The following SENP5 variants were observed in gnomAD, a reference collection of about 807,000 sequenced individuals.
SENP5 encodes sentrin-specific protease 5.
A neutral mutation model predicts 74.2 loss-of-function variants in SENP5; 21 were observed. The ratio of observed to expected loss-of-function variants is 0.28; its 90% CI spans 0.20 to 0.41. SENP5 has a LOEUF of 0.41. SENP5 is among the 10% of genes least tolerant of loss of function. The pLI, the probability that SENP5 is intolerant of heterozygous loss-of-function variation, is 1.00. For missense variants in SENP5, 717 were observed against 889.1 expected (o/e 0.81, Z 2.46); for synonymous variants, 311 against 312.7 (o/e 0.99, Z 0.06).
chr3:196,885,093 A>G, intron 1 of SENP5, 58 bp from the exon 2 acceptor site: 2 of 1,002,580 alleles, frequency 2.0e-6, no homozygotes, highest in Non-Finnish European at 2.9e-6. Context: ...GTTACTGTGA[A>G]TATGTCTTCA....
rs571026448 is a variant in SENP5, at chr3:196,876,397, C to T, written c.-32+8324C>T. On this transcript the variant is annotated intron_variant, in intron 1 of 9. Coordinates refer to ENST00000323460, the MANE Select transcript of SENP5 (RefSeq NM_152699.5). Reference sequence around the variant, plus strand: ...AAAATTAGCCGGGCCTGGTGGCGGGCGTCTATAGTCCCAGCTAGGCTGAGG... The same window carrying T: ...AAAATTAGCCGGGCCTGGTGGCGGGTGTCTATAGTCCCAGCTAGGCTGAGG... 9.2e-5 allele frequency among the ~76,000 whole-genome samples: 14 copies of T among 151,654 alleles called. No individual in the cohort carries two copies. The East Asian group carries it at 1.7e-3, about 19-fold the overall frequency.
intron 2 of SENP5, among the ~76,000 whole-genome samples, chr3:196,897,145 A>G (rs1714474000): frequency 6.6e-6 from 1 of 152,318 alleles, no homozygotes; most frequent in East Asian, 1.9e-4. Context: ...AGGAGCCTCA[A>G]TCAAAGTTGT....
chr3:196,900,015 A>G lies in SENP5; in HGVS notation c.1711A>G (p.Met571Val), dbSNP rs750799398. 3.7e-6 allele frequency: 6 copies of G among 1,614,154 alleles called. No homozygotes were observed. The highest frequency in any genetic ancestry group is 5.1e-6 in the Non-Finnish European group (6 of 1,180,030). Residue 571 changes from methionine to valine, a missense_variant, in exon 4 of 10, where the codon ATG (methionine) becomes GTG (valine). Coordinates refer to ENST00000323460, the MANE Select transcript of SENP5 (RefSeq NM_152699.5). Reference protein sequence around the residue: ...RIFYNKHMLDMDDLATLDGQN... With the variant: ...RIFYNKHMLDVDDLATLDGQN... ...CTTCTATAATAAACACATGCTGGAT[A>G]TGGACGACCTGGCGACTCTGGATGG...
chr3:196,922,845 A>G (rs1715673190), intron 6 of SENP5, among the ~76,000 whole-genome samples: 1 of 152,054 alleles, frequency 6.6e-6, no homozygotes, highest in Non-Finnish European at 1.5e-5. Flanking sequence ...CTGGTCCTGA[A>G]CTCTTGAGCT....
At chr3:196,880,949 T>C (rs902942294) in intron 1 of SENP5, among the ~76,000 whole-genome samples, 3 of 140,958 alleles carry the variant, frequency 2.1e-5, no homozygotes, top group Non-Finnish European at 4.7e-5. Context: ...CCCTTTTCCT[T>C]TTTTATTTTT....
chr3:196,907,934 T>C (rs1268521099), intron 6 of SENP5, among the ~76,000 whole-genome samples: 1 of 151,026 alleles, frequency 6.6e-6, no homozygotes, highest in Non-Finnish European at 1.5e-5. Context: ...ATATAAGAAG[T>C]ATACATAAAA....
chr3:196,880,939 C>T (rs1713700693), intron 1 of SENP5, among the ~76,000 whole-genome samples: 1 of 146,810 alleles, frequency 6.8e-6, no homozygotes, highest in East Asian at 2.0e-4. Flanking sequence ...CCGCGCCTGG[C>T]CCTTTTCCTT....
At chr3:196,911,526 C>T (rs1252582153) in intron 6 of SENP5, among the ~76,000 whole-genome samples, 1 of 150,766 alleles carries the variant, frequency 6.6e-6, no homozygotes, top group Non-Finnish European at 1.5e-5. Context: ...CACTGCACTC[C>T]AGCCTGGGCG....
At chr3:196,884,237 C>T (rs1713850091) in intron 1 of SENP5, among the ~76,000 whole-genome samples, 1 of 152,230 alleles carries the variant, frequency 6.6e-6, no homozygotes, top group African/African-American at 2.4e-5. Context: ...GTCAAAGACT[C>T]TGGGTAGCCA....
At chr3:196,890,443 T>C (rs2108823396) in intron 2 of SENP5, among the ~76,000 whole-genome samples, 1 of 152,334 alleles carries the variant, frequency 6.6e-6, no homozygotes, top group Non-Finnish European at 1.5e-5. Context: ...CTTGTTGCAG[T>C]TTCATAATTT....
Position 196,931,097 on chromosome 3 carries a change from A to G in SENP5, c.*174A>G, listed in dbSNP as rs142291700. 5 of 582,208 alleles carry G rather than the reference A, an allele frequency of 8.6e-6. No homozygotes were observed. Among genetic ancestry groups the G allele is most frequent in the Middle Eastern group, 3.6e-4 (1 of 2,772 alleles). 36.1% of individuals were successfully genotyped at this position (582,208 alleles called of 1,614,324 possible). On this transcript the variant is annotated 3_prime_UTR_variant, in exon 10 of 10. Coordinates refer to ENST00000323460, the MANE Select transcript of SENP5 (RefSeq NM_152699.5). Reference sequence around the variant, plus strand: ...TTCATTTCTCCAGCTACCATGTACTATTGTTTAATGTTCAGTTTGGTTTCA... The same window carrying G: ...TTCATTTCTCCAGCTACCATGTACTGTTGTTTAATGTTCAGTTTGGTTTCA...
chr3:196,885,959 C>T lies in SENP5; in HGVS notation c.778C>T (p.Leu260=). ...HFRTKSKVCK[L]RKAQRSWVQK... ...CAGAACCAAAAGCAAGGTTTGCAAG[C>T]TAAGAAAAGCCCAGCGAAGCTGGGT... The change falls in exon 2 of 10, where the codon CTA becomes TTA. Residue 260 remains leucine, a synonymous_variant. Coordinates refer to ENST00000323460, the MANE Select transcript of SENP5 (RefSeq NM_152699.5). The T allele has an allele frequency of 6.2e-7, 1 of 1,614,204 alleles. No homozygotes were observed. The highest frequency in any genetic ancestry group is 8.5e-7 in the Non-Finnish European group (1 of 1,180,040).
chr3:196,917,869 A>G (rs147147456), intron 6 of SENP5, among the ~76,000 whole-genome samples: 2,211 of 152,328 alleles, frequency 0.015, 28 homozygotes, highest in Non-Finnish European at 0.022. Flanking sequence ...ATCCAAAGGT[A>G]CAAAACTCAC....
intron 6 of SENP5, among the ~76,000 whole-genome samples, chr3:196,919,679 G>C (rs894025936): frequency 1.3e-5 from 2 of 152,070 alleles, no homozygotes; most frequent in Non-Finnish European, 2.9e-5. Flanking sequence ...TGCAATACCA[G>C]CTACTTGGGA....
At position 196,896,181 on chromosome 3, in the gene SENP5, T is replaced by G. The variant is rs1040797917; in HGVS notation, c.1514-3485T>G. ...TTAATGAAAGCAAGTGGATAAAGAA[T>G]GGTGGATTTAACTGTCATTTTATAA... On this transcript the variant is annotated intron_variant, in intron 2 of 9. Coordinates refer to ENST00000323460, the MANE Select transcript of SENP5 (RefSeq NM_152699.5). 9.2e-5 allele frequency among the ~76,000 whole-genome samples: 14 copies of G among 152,358 alleles called. 1 individual carries two copies. The East Asian group carries it at 2.3e-3, about 25-fold the overall frequency.
Position 196,886,627 on chromosome 3 carries a change from A to G in SENP5, c.1446A>G (p.Val482=), listed in dbSNP as rs770086225. The change falls in exon 2 of 10, where the codon GTA becomes GTG. Residue 482 remains valine, a synonymous_variant. Coordinates refer to ENST00000323460, the MANE Select transcript of SENP5 (RefSeq NM_152699.5). ...VCSGLKLENQ[V]GGGKNSQKAS... The stretch of plus-strand genomic sequence containing the variant: ...GTGGACTCAAACTAGAAAATCAAGT[A>G]GGAGGTGGAAAGAACAGTCAGAAAG... 2 of 1,609,068 alleles carry G rather than the reference A, an allele frequency of 1.2e-6. No homozygotes were observed. Among genetic ancestry groups the G allele is most frequent in the Admixed American group, 3.4e-5 (2 of 58,898 alleles).
intron 1 of SENP5, among the ~76,000 whole-genome samples, chr3:196,874,811 G>A (rs530783348): frequency 1.1e-4 from 17 of 152,200 alleles, no homozygotes; most frequent in Admixed American, 9.2e-4. Flanking sequence ...CCCGGGAGGC[G>A]GAGGTTGCAG....
At chr3:196,916,830 T>C (rs909806076) in intron 6 of SENP5, among the ~76,000 whole-genome samples, 5 of 149,706 alleles carry the variant, frequency 3.3e-5, no homozygotes, top group Non-Finnish European at 7.4e-5. Flanking sequence ...GATTGACATA[T>C]TTTTTTAAAA....
chr3:196,892,431 G>A (rs1473980633), intron 2 of SENP5, among the ~76,000 whole-genome samples: 1 of 152,228 alleles, frequency 6.6e-6, no homozygotes, highest in African/African-American at 2.4e-5. Context: ...ACAGGCATGA[G>A]CCACTGTGCC....
Sources: gnomAD v4.1 joint callset for allele counts (sites outside exome capture counted in the v4.1 genomes callset) on GRCh38, gnomAD v4.1.1 for gene constraint, MANE v1.5 for transcripts, NCBI Gene and HGNC (gene_info 2026-07-23, HGNC 2026-07-21) for gene names.